CCDC80: variants seen among roughly 807,000 people sequenced by gnomAD.
CCDC80 encodes coiled-coil domain-containing protein 80.
In CCDC80, 49 loss-of-function variants were observed where a neutral mutation model predicts 78.7. The ratio of observed to expected loss-of-function variants is 0.62; its 90% CI spans 0.50 to 0.79. The LOEUF (loss-of-function observed/expected upper bound fraction) is 0.79, where lower values mean the gene tolerates loss of function less well. Ranked by LOEUF, CCDC80 falls within the 30% of genes least tolerant of loss-of-function variation. The pLI, the probability that CCDC80 is intolerant of heterozygous loss-of-function variation, is 0.00. For synonymous variants in CCDC80, 488 were observed against 447.0 expected (o/e 1.09, Z -1.16); for missense variants, 1,205 against 1,198.6 (o/e 1.01, Z -0.08).
intron 5 of CCDC80, among the ~76,000 whole-genome samples, chr3:112,612,865 AT>A (rs5851854): frequency 0.29 from 37,861 of 129,704 alleles, 5,453 homozygotes; most frequent in East Asian, 0.58. Context: ...CAGGACTGTA[AT>A]TTTTTTTTTT....
At chr3:112,618,415 T>C (rs1935796204) in intron 4 of CCDC80, among the ~76,000 whole-genome samples, 2 of 152,078 alleles carry the variant, frequency 1.3e-5, no homozygotes. Context: ...TAGTCCCAGC[T>C]ACTCGGGAGG....
At chr3:112,635,565 A>G (rs1010417834) in intron 2 of CCDC80, among the ~76,000 whole-genome samples, 1 of 152,184 alleles carries the variant, frequency 6.6e-6, no homozygotes, top group African/African-American at 2.4e-5. Context: ...TTGCTTTGGT[A>G]TCATGTCTAT....
chr3:112,613,928 A>G (rs1935683079), intron 5 of CCDC80, among the ~76,000 whole-genome samples: 1 of 151,958 alleles, frequency 6.6e-6, no homozygotes, highest in African/African-American at 2.4e-5. Flanking sequence ...GAAGCTTAAG[A>G]GAATTTGGCC....
At chr3:112,616,065 T>C (rs1195561263) in intron 5 of CCDC80, among the ~76,000 whole-genome samples, 1 of 152,224 alleles carries the variant, frequency 6.6e-6, no homozygotes, top group Admixed American at 6.5e-5. Flanking sequence ...TCTTGGAGTC[T>C]GGATTGGGAC....
At chr3:112,637,885 G>T in intron 2 of CCDC80, 143 bp downstream of exon 2, 2 of 1,344,070 alleles carry the variant, frequency 1.5e-6, no homozygotes, top group Non-Finnish European at 2.0e-6. Flanking sequence ...GCCCTCTTTT[G>T]CCAGACTTCT....
In CCDC80 at chr3:112,637,410, C is replaced by G. The variant is rs181475340; in HGVS notation, c.1878+618G>C. On this transcript the variant is annotated intron_variant, in intron 2 of 7. Transcript: ENST00000206423. Reference sequence around the variant, plus strand: ...TCTGCTAGCTCATTTTAAAAGGATCCGTGAGGGTCATACCAACAAGGACTC... The same window carrying G: ...TCTGCTAGCTCATTTTAAAAGGATCGGTGAGGGTCATACCAACAAGGACTC... Among the ~76,000 whole-genome samples, 123 of 152,194 alleles carry G rather than the reference C, an allele frequency of 8.1e-4. 1 individual carries two copies. The highest frequency in any genetic ancestry group is 2.9e-3 in the African/African-American group (120 of 41,524).
intron 3 of CCDC80, among the ~76,000 whole-genome samples, chr3:112,624,825 T>G (rs1300108894): frequency 2.0e-5 from 3 of 152,232 alleles, no homozygotes; most frequent in Admixed American, 6.5e-5. Flanking sequence ...ATACTTTATC[T>G]TGGTATTAGA....
chr3:112,630,048 C>G (rs1936064904), intron 3 of CCDC80, 65 bp downstream of exon 3: 7 of 1,471,754 alleles, frequency 4.8e-6, no homozygotes, highest in Non-Finnish European at 6.6e-6. Context: ...TGTACCTCTA[C>G]CATAAAGTTT....
intron 4 of CCDC80, among the ~76,000 whole-genome samples, chr3:112,617,129 A>G (rs950703572): frequency 1.3e-5 from 2 of 152,106 alleles, no homozygotes; most frequent in African/African-American, 4.8e-5. Context: ...CTCACCATAC[A>G]AGTCCTAGGT....
chr3:112,624,104 A>C (rs66546764), intron 3 of CCDC80, among the ~76,000 whole-genome samples: 5,021 of 152,284 alleles, frequency 0.033, 203 homozygotes, highest in East Asian at 0.13. Context: ...GACAGTAATA[A>C]GGTATAGATA....
At chr3:112,623,094 A>G in intron 3 of CCDC80, among the ~76,000 whole-genome samples, 2 of 151,990 alleles carry the variant, frequency 1.3e-5, no homozygotes, top group South Asian at 4.2e-4. Flanking sequence ...TATTGAGGTG[A>G]GGGATTCCCA....
In CCDC80 at chr3:112,630,264, G is replaced by A; in HGVS notation, c.1884C>T (p.Ile628=). The change falls in exon 3 of 8, where the codon ATC becomes ATT. Residue 628 remains isoleucine (I), a synonymous_variant. Transcript: ENST00000206423. ...TATTGTTCTCAGCCTTGGGAGCAGTGATCAGCTGGAGGTGGGTGAAGACAA... is the reference window on the plus strand; with the variant it reads ...TATTGTTCTCAGCCTTGGGAGCAGTAATCAGCTGGAGGTGGGTGAAGACAA... ...SFEGKRRLLL[I]TAPKAENNMY... The A allele has an allele frequency of 6.2e-7, 1 of 1,613,686 alleles. No homozygotes were observed. Among genetic ancestry groups the A allele is most frequent in the Non-Finnish European group, 8.5e-7 (1 of 1,179,698 alleles).
At chr3:112,613,447 G>A (rs77189424) in intron 5 of CCDC80, among the ~76,000 whole-genome samples, 151 of 152,052 alleles carry the variant, frequency 9.9e-4, no homozygotes, top group African/African-American at 3.5e-3. Flanking sequence ...ACATATGTTA[G>A]GACCCCATCT....
At chr3:112,619,256 AAATT>A in intron 3 of CCDC80, 152 bp from the exon 4 acceptor site, 1 of 615,198 alleles carries the variant, frequency 1.6e-6, no homozygotes, top group Non-Finnish European at 2.6e-6. Flanking sequence ...TTTTCGGAGT[AAATT>A]AATAAATATA....
chr3:112,605,353 TG>T lies in CCDC80; in HGVS notation c.*63del. 1.8e-6 allele frequency: 2 copies of T among 1,115,004 alleles called. No individual in the cohort carries two copies. The highest frequency in any genetic ancestry group is 2.6e-6 in the Non-Finnish European group (2 of 761,362). The allele number at this position is 1,115,004 out of a possible 1,614,324, so 69.1% of individuals were successfully genotyped here. The stretch of plus-strand genomic sequence containing the variant: ...AGTACGCAGTGTGGAAGAATGGAGC[TG>T]GCCACATGTAGTTTTAGCAGCTGCA... On this transcript the variant is annotated 3_prime_UTR_variant, in exon 8 of 8. Coordinates refer to ENST00000206423, the MANE Select transcript of CCDC80 (RefSeq NM_199511.3).
At chr3:112,609,468 A>T (rs984685216) in intron 6 of CCDC80, among the ~76,000 whole-genome samples, 9 of 151,840 alleles carry the variant, frequency 5.9e-5, no homozygotes, top group African/African-American at 9.7e-5. Context: ...ATCCTTTTTT[A>T]AAAAAAATTC....
rs754607927 is a variant in CCDC80, at chr3:112,638,227, T to C, written c.1679A>G (p.Asp560Gly). The change falls in exon 2 of 8, where the codon GAC becomes GGC. Residue 560 changes from aspartate to glycine, a missense_variant. Transcript: ENST00000206423. ...KKKKMKNENA[D>G]KLLKSEKQMK... ...TTGCTTTTCACTCTTAAGTAACTTGTCTGCGTTCTCATTCTTCATCTTTTT... is the reference window on the plus strand; with the variant it reads ...TTGCTTTTCACTCTTAAGTAACTTGCCTGCGTTCTCATTCTTCATCTTTTT... 135 of 1,613,132 alleles carry C rather than the reference T, an allele frequency of 8.4e-5. No individual in the cohort carries two copies. The Middle Eastern group carries it at 1.6e-3, about 20-fold the overall frequency.
In CCDC80 at chr3:112,614,763, T is replaced by C. The variant is rs181348122; in HGVS notation, c.2321+1947A>G. Among the ~76,000 whole-genome samples the C allele has an allele frequency of 2.4e-3, 361 of 152,326 alleles. 1 individual carries two copies. The highest frequency in any genetic ancestry group is 3.4e-3 in the Middle Eastern group (1 of 294). On this transcript the variant is annotated intron_variant, in intron 5 of 7. Transcript: ENST00000206423. The stretch of plus-strand genomic sequence containing the variant: ...AGGCCTTTAGGTTCAGAACTAATAA[T>C]AATTCACATTTTCTAAAGGAGCATA...
intron 2 of CCDC80, among the ~76,000 whole-genome samples, chr3:112,637,051 G>T (rs1019417263): frequency 1.3e-5 from 2 of 152,134 alleles, no homozygotes; most frequent in Admixed American, 1.3e-4. Flanking sequence ...GCTCACTCCT[G>T]CCCGAAGCCC....
Sources: allele counts gnomAD v4.1 joint callset (sites outside exome capture counted in the v4.1 genomes callset), GRCh38; gene constraint gnomAD v4.1.1; transcripts MANE v1.5; gene names NCBI Gene and HGNC (gene_info 2026-07-23, HGNC 2026-07-21).